KMT2C: variants seen among roughly 807,000 people sequenced by gnomAD.
KMT2C encodes the protein histone-lysine N-methyltransferase 2C.
KMT2C carries 88 observed loss-of-function variants against 507.9 expected under a neutral mutation model. That is an observed-to-expected ratio of 0.17 (90% confidence interval 0.15 to 0.21). KMT2C has a LOEUF of 0.21. Ranked by LOEUF, KMT2C falls within the 10% of genes least tolerant of loss-of-function variation. The probability of loss-of-function intolerance (pLI) is 1.00; values close to 1 mark genes in which losing one functional copy is unlikely to be tolerated. For missense variants in KMT2C, 4,954 were observed against 5,957.8 expected, an observed-to-expected ratio of 0.83 and a Z score of 5.55; for synonymous variants, 2,049 against 2,080.8, an observed-to-expected ratio of 0.98 and a Z score of 0.42.
At chr7:152,368,380 A>AG (rs2097264380) in intron 1 of KMT2C, 1 of 1,102,150 alleles carries the variant, frequency 9.1e-7, no homozygotes, top group African/African-American at 1.6e-5. Context: ...AGAAGAAAGA[A>AG]GGGAGTATGC....
At chr7:152,142,529 G>A (rs1211322261) in intron 55 of KMT2C, among the ~76,000 whole-genome samples, 1 of 152,144 alleles carries the variant, frequency 6.6e-6, no homozygotes, top group Non-Finnish European at 1.5e-5. Context: ...TAGAAAACTG[G>A]CAATATCTAT....
chr7:152,401,481 AG>A (rs2116609559), intron 1 of KMT2C, among the ~76,000 whole-genome samples: 1 of 151,936 alleles, frequency 6.6e-6, no homozygotes, highest in South Asian at 2.1e-4. Flanking sequence ...AGTTGAGGTC[AG>A]GAGTTAAAGA....
rs766066583 is a variant in KMT2C, at chr7:152,162,476, T to A, written c.11101A>T (p.Asn3701Tyr). Residue 3701 changes from asparagine to tyrosine, a missense_variant, in exon 43 of 59, where the codon AAT (asparagine) becomes TAT (tyrosine). Physicochemically the swap from Asn to Tyr is moderately radical, Grantham distance 143. Around this residue, in one of 29 missense-constraint regions of KMT2C, gnomAD observed 801 missense variants for 751.2 expected, o/e 1.07. Transcript: ENST00000262189. ...QATPNQQTYA[N>Y]SEVDKLSMET... Reference sequence around the variant, plus strand: ...ATGGAGAGCTTGTCTACTTCTGAATTTGCATACGTCTGTTGATTTGGAGTT... The same window carrying A: ...ATGGAGAGCTTGTCTACTTCTGAATATGCATACGTCTGTTGATTTGGAGTT... 6 of 1,614,264 alleles carry A rather than the reference T, an allele frequency of 3.7e-6. 1 individual carries two copies. In the East Asian group the frequency reaches 1.3e-4, roughly 36 times the overall value.
chr7:152,390,019 T>C (rs2097477652), intron 1 of KMT2C, among the ~76,000 whole-genome samples: 1 of 152,314 alleles, frequency 6.6e-6, no homozygotes, highest in South Asian at 2.1e-4. Context: ...AATGAGTACA[T>C]GTGAACATAA....
chr7:152,343,628 C>G (rs999639079), intron 2 of KMT2C, among the ~76,000 whole-genome samples: 1 of 151,962 alleles, frequency 6.6e-6, no homozygotes, highest in African/African-American at 2.4e-5. Flanking sequence ...CAAACTACAC[C>G]TGGTCACATC....
chr7:152,206,914 GT>G (rs2094324184), intron 24 of KMT2C, among the ~76,000 whole-genome samples: 1 of 151,910 alleles, frequency 6.6e-6, no homozygotes, highest in African/African-American at 2.4e-5. Flanking sequence ...ACTGAAATAA[GT>G]TTTTTCAAAA....
chr7:152,246,180 T>A (rs1185964551), intron 14 of KMT2C, among the ~76,000 whole-genome samples: 16 of 152,138 alleles, frequency 1.1e-4, no homozygotes, highest in South Asian at 1.0e-3. Context: ...CTCTCCCTAA[T>A]AACAGCACTA....
chr7:152,424,475 T>C (rs1589958191), intron 1 of KMT2C, among the ~76,000 whole-genome samples: 1 of 152,046 alleles, frequency 6.6e-6, no homozygotes. Context: ...CAGGCTTGAG[T>C]GCAATGGCAA....
intron 2 of KMT2C, among the ~76,000 whole-genome samples, chr7:152,354,468 T>C (rs2097137341): frequency 1.3e-5 from 2 of 152,176 alleles, no homozygotes; most frequent in Non-Finnish European, 2.9e-5. Context: ...GCTTACATTC[T>C]AGTGTGGAAA....
At chr7:152,159,899 A>C (rs938735512) in intron 43 of KMT2C, among the ~76,000 whole-genome samples, 6 of 152,204 alleles carry the variant, frequency 3.9e-5, no homozygotes, top group Admixed American at 2.0e-4. Flanking sequence ...CGGTTCTGAA[A>C]ATTAGTTTCC....
At chr7:152,164,534 C>A (rs1157778826) in intron 42 of KMT2C, among the ~76,000 whole-genome samples, 1 of 152,044 alleles carries the variant, frequency 6.6e-6, no homozygotes, top group Non-Finnish European at 1.5e-5. Flanking sequence ...CGTGATCCGC[C>A]CGCCTCGGCC....
At position 152,181,081 on chromosome 7, in the gene KMT2C, G is replaced by C. The variant is rs754881644; in HGVS notation, c.6779C>G (p.Ala2260Gly). The C allele has an allele frequency of 3.4e-5, 55 of 1,614,062 alleles. No homozygotes were observed. The highest frequency in any genetic ancestry group is 5.5e-5 in the South Asian group (5 of 91,084). Reference protein sequence around the residue: ...FLQAAQNRGPALPGPLVRPPD... With the variant: ...FLQAAQNRGPGLPGPLVRPPD... ...TGGCCTTACCAACGGGCCAGGTAAAGCTGGTCCTCGGTTTTGTGCTGCTTG... is the reference window on the plus strand; with the variant it reads ...TGGCCTTACCAACGGGCCAGGTAAACCTGGTCCTCGGTTTTGTGCTGCTTG... Residue 2260 changes from alanine to glycine, a missense_variant, in exon 36 of 59, where the codon GCT becomes GGT. Physicochemically the swap from Ala to Gly is moderately conservative, Grantham distance 60 (BLOSUM62 0). Coordinates refer to ENST00000262189, the MANE Select transcript of KMT2C (RefSeq NM_170606.3).
chr7:152,295,925 G>A (rs895893008), intron 6 of KMT2C, among the ~76,000 whole-genome samples: 54 of 151,928 alleles, frequency 3.6e-4, no homozygotes, highest in African/African-American at 1.2e-3. Flanking sequence ...AAAATTAGCC[G>A]GGCATGGTGG....
chr7:152,290,278 ATATATATATATATATATTTTTTTT>A (rs2096397174), intron 6 of KMT2C, among the ~76,000 whole-genome samples: 3 of 29,370 alleles, frequency 1.0e-4, no homozygotes, highest in African/African-American at 4.8e-4. Flanking sequence ...ATATATATAT[ATATATATATATATATATTTTTTTT>A]TTTTTTTTTT....
At chr7:152,327,972 A>AG (rs897863951) in intron 3 of KMT2C, among the ~76,000 whole-genome samples, 12 of 150,722 alleles carry the variant, frequency 8.0e-5, no homozygotes, top group African/African-American at 2.7e-4. Context: ...AAAAAAAAAA[A>AG]AAAGAAAAAA....
intron 49 of KMT2C, among the ~76,000 whole-genome samples, chr7:152,152,006 A>G (rs2091667595): frequency 6.6e-6 from 1 of 152,240 alleles, no homozygotes; most frequent in African/African-American, 2.4e-5. Context: ...AGAAATGAGG[A>G]AAGAGCCAAG....
intron 7 of KMT2C, among the ~76,000 whole-genome samples, chr7:152,268,388 A>C (rs1448992431): frequency 6.6e-6 from 1 of 152,228 alleles, no homozygotes; most frequent in Non-Finnish European, 1.5e-5. Context: ...TCTGTTACAT[A>C]ATCAATTAAT....
intron 1 of KMT2C, among the ~76,000 whole-genome samples, chr7:152,390,470 T>G (rs2097483762): frequency 6.6e-6 from 1 of 152,306 alleles, no homozygotes; most frequent in South Asian, 2.1e-4. Flanking sequence ...TATACAACAG[T>G]GTGATGAGTG....
intron 6 of KMT2C, among the ~76,000 whole-genome samples, chr7:152,296,997 AAAAGAAAG>A (rs61473498): frequency 0.034 from 2,014 of 58,964 alleles, 58 homozygotes; most frequent in Non-Finnish European, 0.046. Flanking sequence ...GAAAGAAAGA[AAAAGAAAG>A]AAAGAAAGAA....
Sources: gnomAD v4.1 joint callset for allele counts (sites outside exome capture counted in the v4.1 genomes callset) on GRCh38, gnomAD v4.1.1 for gene constraint, gnomAD v4.1.1 regional missense constraint, MANE v1.5 for transcripts, NCBI Gene and HGNC (gene_info 2026-07-23, HGNC 2026-07-21) for gene names.